Variants in GZMM observed in about 807,000 individuals in gnomAD.
GZMM encodes the protein granzyme M.
GZMM carries 23 observed loss-of-function variants against 19.2 expected under a neutral mutation model. That is an observed-to-expected ratio of 1.20 (90% CI 0.86 to 1.69). The LOEUF is 1.69. GZMM is among the 40% of genes most tolerant of loss of function. GZMM has a pLI of 0.00. For missense variants in GZMM, 373 were observed against 352.2 expected, an observed-to-expected ratio of 1.06 and a Z score of -0.47; for synonymous variants, 178 against 160.2, an observed-to-expected ratio of 1.11 and a Z score of -0.84.
At chr19:545,537 G>C (rs1328573212) in intron 1 of GZMM, among the ~76,000 whole-genome samples, 1 of 152,006 alleles carries the variant, frequency 6.6e-6, no homozygotes, top group Non-Finnish European at 1.5e-5. Context: ...AGTAGAGACA[G>C]GGTTTCCCCG....
In GZMM at chr19:548,925, G is replaced by A. The variant is rs1253416082; in HGVS notation, c.352G>A (p.Asp118Asn). 6.4e-7 allele frequency: 1 copy of A among 1,567,958 alleles called. No individual in the cohort carries two copies. Among genetic ancestry groups the A allele is most frequent in the African/African-American group, 1.4e-5 (1 of 73,396 alleles). The change falls in exon 4 of 5, where the codon GAC becomes AAC. Residue 118 changes from aspartate to asparagine, a missense_variant. Transcript: ENST00000264553. ...LENDLALLQL[D>N]GKVKPSRTIR... The stretch of plus-strand genomic sequence containing the variant: ...TGCCCCTTCCTGTCACTCGTAGCTG[G>A]ACGGGAAAGTGAAGCCCAGCCGGAC...
chr19:546,227 A>G (rs534630435), intron 1 of GZMM, among the ~76,000 whole-genome samples: 36 of 152,308 alleles, frequency 2.4e-4, no homozygotes, highest in Admixed American at 1.5e-3. Flanking sequence ...TATGCACTAT[A>G]CAATTTACTT....
chr19:546,895 G>T (rs1381120088), intron 1 of GZMM, among the ~76,000 whole-genome samples: 1 of 151,846 alleles, frequency 6.6e-6, no homozygotes, highest in Non-Finnish European at 1.5e-5. Flanking sequence ...TGTCGCCCAG[G>T]CTGGTCTCGA....
At chr19:549,511 C>A (rs1980431676) in intron 4 of GZMM, 119 bp from the exon 5 acceptor site, 2 of 1,064,034 alleles carry the variant, frequency 1.9e-6, no homozygotes, top group Non-Finnish European at 2.7e-6. Flanking sequence ...CCGGGAGCAG[C>A]CCCTGTGTCT....
Position 549,842 on chromosome 19 carries a change from T to G in GZMM, c.*51T>G. The stretch of plus-strand genomic sequence containing the variant: ...CGCTGTCTCCACAGGACCCTTCCCC[T>G]CCAGGGGTGCAGTGGGGTGGGTGAG... On this transcript the variant is annotated 3_prime_UTR_variant, in exon 5 of 5. Coordinates refer to ENST00000264553, the MANE Select transcript of GZMM (RefSeq NM_005317.4). 2.5e-6 allele frequency: 2 copies of G among 805,454 alleles called. No homozygotes were observed. Among genetic ancestry groups the G allele is most frequent in the Non-Finnish European group, 3.8e-6 (2 of 520,162 alleles). 49.9% of individuals were successfully genotyped at this position (805,454 alleles called of 1,614,324 possible).
At position 549,050 on chromosome 19, in the gene GZMM, G is replaced by T. The variant is rs1980408380; in HGVS notation, c.477G>T (p.Leu159=). Reference sequence around the variant, plus strand: ...GGCTGACCCACCAGGGCGGGCGCCTGTCCCGGGTGCTGCGGGAGCTGGACC... The same window carrying T: ...GGCTGACCCACCAGGGCGGGCGCCTTTCCCGGGTGCTGCGGGAGCTGGACC... ...GWGLTHQGGR[L]SRVLRELDLQ... The change falls in exon 4 of 5, where the codon CTG becomes CTT. Residue 159 remains leucine (L), a synonymous_variant. Coordinates refer to ENST00000264553, the MANE Select transcript of GZMM (RefSeq NM_005317.4). 9 of 1,596,380 alleles carry T rather than the reference G, an allele frequency of 5.6e-6. No individual in the cohort carries two copies. The highest frequency in any genetic ancestry group is 7.7e-6 in the Non-Finnish European group (9 of 1,173,204).
At chr19:544,191 G>A in intron 1 of GZMM, 65 bp downstream of exon 1, 1 of 1,383,568 alleles carries the variant, frequency 7.2e-7, no homozygotes, top group South Asian at 1.2e-5. Context: ...TCCCTGGATG[G>A]GAGGGGTGGG....
In GZMM at chr19:547,429, G is replaced by T. The variant is rs147907546; in HGVS notation, c.205G>T (p.Ala69Ser). ...KWVLTAAHCL[A>S]QRMAQLRLVL... ...GGTGCTGACGGCTGCCCACTGCCTGGCCCAGCGGTGAGTACCCTGCCCTGC... is the reference window on the plus strand; with the variant it reads ...GGTGCTGACGGCTGCCCACTGCCTGTCCCAGCGGTGAGTACCCTGCCCTGC... The change falls in exon 2 of 5, where the codon GCC becomes TCC. Residue 69 changes from alanine (A) to serine (S), a missense_variant. Physicochemically the swap from Ala to Ser is moderately conservative, Grantham distance 99. Transcript: ENST00000264553. 2 of 1,457,692 alleles carry T rather than the reference G, an allele frequency of 1.4e-6. No individual in the cohort carries two copies. The highest frequency in any genetic ancestry group is 2.9e-5 in the African/African-American group (2 of 68,914). The allele number at this position is 1,457,692 out of a possible 1,614,324, so 90.3% of individuals were successfully genotyped here. A position where few individuals can be genotyped will look rare whatever the true frequency, so the allele number is the denominator to read the frequency against.
chr19:545,443 T>G (rs1336140219), intron 1 of GZMM, among the ~76,000 whole-genome samples: 9 of 150,858 alleles, frequency 6.0e-5, no homozygotes, highest in East Asian at 2.0e-4. Flanking sequence ...CGCCTCCTGG[T>G]TTCAAGCGAT....
chr19:545,325 GAGAC>G (rs1313139065), intron 1 of GZMM, among the ~76,000 whole-genome samples: 3 of 152,166 alleles, frequency 2.0e-5, no homozygotes, highest in South Asian at 4.1e-4. Flanking sequence ...GCAGCTAAGT[GAGAC>G]AGACAAAGGC....
intron 2 of GZMM, among the ~76,000 whole-genome samples, chr19:548,034 C>G (rs537627996): frequency 1.3e-5 from 2 of 152,298 alleles, no homozygotes; most frequent in Non-Finnish European, 2.9e-5. Flanking sequence ...CGGCTTGATC[C>G]AGGTGCTCAC....
At chr19:545,585 G>C (rs1226980871) in intron 1 of GZMM, among the ~76,000 whole-genome samples, 5 of 151,970 alleles carry the variant, frequency 3.3e-5, no homozygotes, top group Non-Finnish European at 7.4e-5. Flanking sequence ...AACCTCAGGT[G>C]ATCCGCCTGC....
intron 1 of GZMM, among the ~76,000 whole-genome samples, chr19:544,958 T>C (rs56180628): frequency 0.23 from 16,252 of 69,188 alleles, 1,365 homozygotes; most frequent in South Asian, 0.35. Flanking sequence ...ATCCCTCCTT[T>C]CAACCTCCCT....
chr19:548,709 A>G, intron 3 of GZMM, 32 bp downstream of exon 3: 1 of 1,604,102 alleles, frequency 6.2e-7, no homozygotes, highest in Non-Finnish European at 8.5e-7. Context: ...AGAACTGGGC[A>G]CCCTCCTGTC....
At chr19:549,224 G>A in intron 4 of GZMM, 39 bp downstream of exon 4, 1 of 1,533,428 alleles carries the variant, frequency 6.5e-7, no homozygotes, top group South Asian at 1.2e-5. Flanking sequence ...AATGAGGCTG[G>A]CGGGAGGGCC....
intron 2 of GZMM, 108 bp downstream of exon 2, chr19:547,544 C>G (rs185429686): frequency 1.3e-5 from 11 of 860,454 alleles, no homozygotes; most frequent in Non-Finnish European, 1.7e-5. Flanking sequence ...GTGGGACCCC[C>G]GTCCCCTCCC....
At chr19:545,373 C>A (rs118178774) in intron 1 of GZMM, among the ~76,000 whole-genome samples, 1 of 152,216 alleles carries the variant, frequency 6.6e-6, no homozygotes, top group East Asian at 1.9e-4. Context: ...CACAGCTAGA[C>A]TTGCACTCTT....
At chr19:545,537 G>A (rs1328573212) in intron 1 of GZMM, among the ~76,000 whole-genome samples, 2 of 152,006 alleles carry the variant, frequency 1.3e-5, no homozygotes, top group African/African-American at 4.8e-5. Flanking sequence ...AGTAGAGACA[G>A]GGTTTCCCCG....
chr19:545,065 C>T (rs1244758668), intron 1 of GZMM, among the ~76,000 whole-genome samples: 1 of 146,692 alleles, frequency 6.8e-6, no homozygotes, highest in African/African-American at 2.6e-5. Context: ...CTTCCCTCCT[C>T]CCTCCCATCC....
Sources: gnomAD v4.1 joint callset for allele counts (sites outside exome capture counted in the v4.1 genomes callset) on GRCh38, gnomAD v4.1.1 for gene constraint, MANE v1.5 for transcripts, NCBI Gene and HGNC (gene_info 2026-07-23, HGNC 2026-07-21) for gene names.